The following FAM178B variants were observed in gnomAD, a reference collection of about 807,000 sequenced individuals.
FAM178B encodes family with sequence similarity 178 member B.
FAM178B carries 82 observed loss-of-function variants against 91.7 expected under a neutral mutation model. That is an observed-to-expected ratio of 0.89 (90% CI 0.75 to 1.07). The LOEUF (loss-of-function observed/expected upper bound fraction) is 1.07, where lower values mean the gene tolerates loss of function less well. Ranked by LOEUF, FAM178B falls within the 50% of genes least tolerant of loss-of-function variation. The probability of loss-of-function intolerance (pLI) is 0.00; values close to 1 mark genes in which losing one functional copy is unlikely to be tolerated. For missense variants in FAM178B, 769 were observed against 846.7 expected (o/e 0.91, Z 1.14); for synonymous variants, 368 against 359.4 (o/e 1.02, Z -0.27).
chr2:96,877,655 A>C, intron 16 of FAM178B: 1 of 522,504 alleles, frequency 1.9e-6, no homozygotes, highest in Non-Finnish European at 3.5e-6. Flanking sequence ...TCAGTCTCCC[A>C]AAGTGCTGGG....
intron 12 of FAM178B, among the ~76,000 whole-genome samples, chr2:96,916,053 G>A (rs1179221857): frequency 6.6e-6 from 1 of 152,170 alleles, no homozygotes; most frequent in African/African-American, 2.4e-5. Context: ...TGAATCGATG[G>A]TGGGGCACTG....
intron 8 of FAM178B, among the ~76,000 whole-genome samples, chr2:96,929,654 T>A (rs1482522421): frequency 6.6e-6 from 1 of 152,232 alleles, no homozygotes; most frequent in Non-Finnish European, 1.5e-5. Context: ...AAGAGTCCTG[T>A]GCCAGAGGCC....
At chr2:96,926,016 G>A (rs561207036) in intron 9 of FAM178B, among the ~76,000 whole-genome samples, 1 of 152,258 alleles carries the variant, frequency 6.6e-6, no homozygotes, top group East Asian at 1.9e-4. Flanking sequence ...TGAAAACCAA[G>A]TGGCTGGCGG....
chr2:96,932,068 G>T (rs943825690), intron 8 of FAM178B, among the ~76,000 whole-genome samples: 1 of 152,214 alleles, frequency 6.6e-6, no homozygotes, highest in Non-Finnish European at 1.5e-5. Context: ...CCAGGGAGGG[G>T]AAGACAATCA....
chr2:96,983,242 T>C (rs1196545648), intron 1 of FAM178B, among the ~76,000 whole-genome samples: 2 of 152,164 alleles, frequency 1.3e-5, no homozygotes, highest in East Asian at 3.9e-4. Context: ...ACATTTAGTA[T>C]AAATGTGTGT....
intron 9 of FAM178B, among the ~76,000 whole-genome samples, chr2:96,924,540 G>A (rs567321384): frequency 6.6e-6 from 1 of 152,192 alleles, no homozygotes; most frequent in Non-Finnish European, 1.5e-5. Context: ...AGATGCTTAC[G>A]GTGAGGGGGA....
chr2:96,945,576 G>T (rs1016534419), intron 8 of FAM178B, among the ~76,000 whole-genome samples: 6 of 152,106 alleles, frequency 3.9e-5, no homozygotes, highest in Non-Finnish European at 1.5e-5. Context: ...ACAAATCATA[G>T]ATACGGGTGA....
At chr2:96,908,677 G>A (rs1386736152) in intron 12 of FAM178B, among the ~76,000 whole-genome samples, 1 of 152,244 alleles carries the variant, frequency 6.6e-6, no homozygotes, top group African/African-American at 2.4e-5. Flanking sequence ...CCATGGTCAG[G>A]TGGTACATGG....
chr2:96,985,600 A>G (rs1178169625), intron 1 of FAM178B, among the ~76,000 whole-genome samples: 11 of 152,218 alleles, frequency 7.2e-5, no homozygotes, highest in Admixed American at 5.2e-4. Flanking sequence ...CGGAATCCCA[A>G]GTGCTTTGGG....
At chr2:96,884,619 C>T (rs775736361) in intron 14 of FAM178B, among the ~76,000 whole-genome samples, 33 of 152,246 alleles carry the variant, frequency 2.2e-4, no homozygotes, top group East Asian at 5.8e-4. Flanking sequence ...GGACACCAGG[C>T]GAAAGGGGAT....
chr2:96,900,926 A>G (rs1021891954), intron 13 of FAM178B, among the ~76,000 whole-genome samples: 11 of 152,156 alleles, frequency 7.2e-5, no homozygotes, highest in Admixed American at 6.5e-5. Context: ...AGAGATGCAC[A>G]GCCTCTAGCC....
chr2:96,905,843 TATATATATATATA>T (rs2081032916), intron 12 of FAM178B, among the ~76,000 whole-genome samples: 1 of 31,028 alleles, frequency 3.2e-5, no homozygotes, highest in African/African-American at 8.5e-5. Flanking sequence ...TATATATATA[TATATATATATATA>T]TATATTTTTT....
At chr2:96,943,961 A>C (rs2081776941) in intron 8 of FAM178B, among the ~76,000 whole-genome samples, 1 of 152,042 alleles carries the variant, frequency 6.6e-6, no homozygotes, top group African/African-American at 2.4e-5. Flanking sequence ...TCTATATCCC[A>C]GCTGGGCGCG....
chr2:96,972,333 G>GA lies in FAM178B; in HGVS notation c.143-12dup, dbSNP rs1574319799. ...CGGCAGCCTGCACCCCTGCAGACAG[G>GA]ACAGAATACTGTGGTCCCTCTGCCC... On this transcript the variant is annotated splice_polypyrimidine_tract_variant and intron_variant, in intron 2 of 16. Transcript: ENST00000490605. The GA allele has an allele frequency of 6.8e-7, 1 of 1,468,788 alleles. No individual in the cohort carries two copies. The highest frequency in any genetic ancestry group is 2.5e-5 in the East Asian group (1 of 40,280). The allele number at this position is 1,468,788 out of a possible 1,614,324, so 91.0% of individuals were successfully genotyped here.
chr2:96,982,512 C>T (rs545280732), intron 1 of FAM178B, among the ~76,000 whole-genome samples: 19 of 152,174 alleles, frequency 1.2e-4, no homozygotes, highest in African/African-American at 4.6e-4. Context: ...ATCCACCCGC[C>T]TCAGTCTCCC....
At position 96,921,499 on chromosome 2, in the gene FAM178B, G is replaced by C. The variant is rs1213141987; in HGVS notation, c.1443C>G (p.Asn481Lys). 1.2e-5 allele frequency: 18 copies of C among 1,551,706 alleles called. No homozygotes were observed. Among genetic ancestry groups the C allele is most frequent in the Non-Finnish European group, 1.4e-5 (16 of 1,146,984 alleles). Residue 481 changes from asparagine to lysine, a missense_variant, in exon 11 of 17, where the codon AAC (asparagine) becomes AAG (lysine). By Grantham distance (94) the Asn-to-Lys change is moderately conservative. Transcript: ENST00000490605. ...GTACCTTCCCTGGCCACTCCCGGAT[G>C]TTCTCCAGGAGCAAGAGGAGAAGCT... ...LQQLLLLLLE[N>K]IREWPGKLQE...
intron 1 of FAM178B, among the ~76,000 whole-genome samples, chr2:96,978,142 T>A (rs930598979): frequency 1.3e-5 from 2 of 152,204 alleles, no homozygotes; most frequent in African/African-American, 4.8e-5. Flanking sequence ...CATCTCAGCA[T>A]CCTAGCACTC....
chr2:96,980,395 T>C (rs2082346721), intron 1 of FAM178B, among the ~76,000 whole-genome samples: 1 of 149,076 alleles, frequency 6.7e-6, no homozygotes, highest in Non-Finnish European at 1.5e-5. Flanking sequence ...AATTTAAAAT[T>C]TAATTTTAAA....
chr2:96,982,623 C>CA (rs1260395710), intron 1 of FAM178B, among the ~76,000 whole-genome samples: 1 of 151,516 alleles, frequency 6.6e-6, no homozygotes, highest in Non-Finnish European at 1.5e-5. Context: ...GACTGGAGTG[C>CA]AATGTCATGA....
Sources: gnomAD v4.1 joint callset for allele counts (sites outside exome capture counted in the v4.1 genomes callset) on GRCh38, gnomAD v4.1.1 for gene constraint, MANE v1.5 for transcripts, NCBI Gene and HGNC (gene_info 2026-07-23, HGNC 2026-07-21) for gene names.